Variants in CEP290 observed in about 807,000 individuals in gnomAD.
The protein encoded by CEP290 is centrosomal protein of 290 kDa.
In CEP290, 317 loss-of-function variants were observed where a neutral mutation model predicts 344.9. The ratio of observed to expected loss-of-function variants is 0.92; its 90% CI spans 0.84 to 1.01. CEP290 has a LOEUF of 1.01. Ranked by LOEUF, CEP290 falls within the 50% of genes least tolerant of loss-of-function variation. The pLI, the probability that CEP290 is intolerant of heterozygous loss-of-function variation, is 0.00. For missense variants in CEP290, 2,754 were observed against 2,761.4 expected, an observed-to-expected ratio of 1.00 and a Z score of 0.06; for synonymous variants, 932 against 895.8, an observed-to-expected ratio of 1.04 and a Z score of -0.72.
At chr12:88,061,954 T>G (rs1470444196) in intron 46 of CEP290, among the ~76,000 whole-genome samples, 2 of 152,032 alleles carry the variant, frequency 1.3e-5, no homozygotes, top group African/African-American at 4.8e-5. Context: ...AATTTTCATA[T>G]TTTTAGTAGA....
intron 53 of CEP290, 50 bp from the exon 54 acceptor site, chr12:88,049,464 T>C (rs933614087): frequency 1.0e-6 from 1 of 964,070 alleles, no homozygotes; most frequent in African/African-American, 1.7e-5. Flanking sequence ...TATACATATT[T>C]TACGTTTGAA....
chr12:88,104,150 T>C (rs1350583297), intron 25 of CEP290: 6 of 152,098 alleles, frequency 3.9e-5, no homozygotes, highest in African/African-American at 1.2e-4. Context: ...ATATCACTTA[T>C]ATTTATTAAA....
At chr12:88,087,980 CTA>C in intron 31 of CEP290, 36 bp from the exon 32 acceptor site, 3 of 839,162 alleles carry the variant, frequency 3.6e-6, no homozygotes, top group Non-Finnish European at 4.9e-6. Flanking sequence ...AATATAAATG[CTA>C]TATTAACAAA....
At position 88,141,010 on chromosome 12, in the gene CEP290, A is replaced by C. The variant is rs1200899018; in HGVS notation, c.126T>G (p.Ser42Arg). ...GGTGTATCACATTTTCTTGCTTTTC[A>C]CTTTTTAGCTCATTTACTTCCACCT... ...LSKVEVNELK[S>R]EKQENVIHLF... The change falls in exon 3 of 54, where the codon AGT becomes AGG. Residue 42 changes from serine to arginine, a missense_variant. Ser to Arg is a moderately radical substitution (Grantham distance 110, BLOSUM62 -1). Transcript: ENST00000552810. 1 of 1,588,368 alleles carries C rather than the reference A, an allele frequency of 6.3e-7. No individual in the cohort carries two copies.
chr12:88,059,600 G>C (rs940057429), intron 48 of CEP290, among the ~76,000 whole-genome samples: 1 of 152,090 alleles, frequency 6.6e-6, no homozygotes, highest in Admixed American at 6.5e-5. Context: ...GTAGAGACGG[G>C]GTTTCACCGT....
In CEP290 at chr12:88,129,729, G is replaced by T. The variant is rs1592671313; in HGVS notation, c.817C>A (p.Gln273Lys). Residue 273 changes from glutamine (Q) to lysine (K), a missense_variant, in exon 10 of 54, where the codon CAG becomes AAG. Gln to Lys is a moderately conservative substitution (Grantham distance 53). Transcript: ENST00000552810. ...IVHQTDNVID[Q>K]LKKENDHYQL... ...TAATGATCGTTTTCTTTTTTTAACT[G>T]ATCTATTACATTATCTGTCTGATGC... 1.4e-6 allele frequency: 2 copies of T among 1,460,496 alleles called. No individual in the cohort carries two copies. Among genetic ancestry groups the T allele is most frequent in the Middle Eastern group, 1.8e-4 (1 of 5,688 alleles). 90.5% of individuals were successfully genotyped at this position (1,460,496 alleles called of 1,614,324 possible).
At chr12:88,086,846 G>C (rs2468249) in intron 32 of CEP290, among the ~76,000 whole-genome samples, 3 of 152,138 alleles carry the variant, frequency 2.0e-5, no homozygotes, top group Non-Finnish European at 2.9e-5. Flanking sequence ...CACGGAACTT[G>C]CATTCTGGCG....
chr12:88,060,894 T>G lies in CEP290; in HGVS notation c.6458A>C (p.Lys2153Thr). The G allele has an allele frequency of 6.5e-7, 1 of 1,549,728 alleles. No homozygotes were observed. The highest frequency in any genetic ancestry group is 8.7e-7 in the Non-Finnish European group (1 of 1,147,446). The change falls in exon 47 of 54, where the codon AAA (lysine) becomes ACA (threonine). Residue 2153 changes from lysine (K) to threonine (T), a missense_variant. Transcript: ENST00000552810. ...KVQRENEQLK[K>T]ASGILTSEKM... ...TTCACTAGTCAATATTCCTGATGCT[T>G]TTTTCAACTGTTCATTTTCTCTCTG...
At chr12:88,102,576 G>C (rs2037972617) in intron 26 of CEP290, among the ~76,000 whole-genome samples, 3 of 152,074 alleles carry the variant, frequency 2.0e-5, no homozygotes, top group Admixed American at 6.6e-5. Context: ...TCATGCAAGT[G>C]ACCTAAGGAG....
intron 48 of CEP290, among the ~76,000 whole-genome samples, 198 bp downstream of exon 48, chr12:88,059,700 C>T (rs1361745295): frequency 1.3e-5 from 2 of 152,180 alleles, no homozygotes; most frequent in Non-Finnish European, 2.9e-5. Flanking sequence ...AGCCACCGTG[C>T]CCAGCCTAAA....
At chr12:88,065,757 AT>A (rs1300987421) in intron 44 of CEP290, among the ~76,000 whole-genome samples, 1 of 152,168 alleles carries the variant, frequency 6.6e-6, no homozygotes, top group Admixed American at 6.5e-5. Flanking sequence ...TTTTTAACAC[AT>A]TTCTCACTAA....
chr12:88,088,702 A>AT (rs2036780252), intron 31 of CEP290, among the ~76,000 whole-genome samples: 1 of 152,216 alleles, frequency 6.6e-6, no homozygotes, highest in Non-Finnish European at 1.5e-5. Flanking sequence ...AAGATAATGA[A>AT]TTTAAAATTG....
rs960671788 is a variant in CEP290 at position 88,049,286 on chromosome 12, T to A, written c.7338A>T (p.Lys2446Asn). ...KKNILLEEKV[K>N]KLSEQLGVEL... ...CAACTCCCAATTGTTCTGAAAGTTT[T>A]TTTACCTTCTCTTCTAAGAGAATAT... The change falls in exon 54 of 54, where the codon AAA (lysine) becomes AAT (asparagine). Residue 2446 changes from lysine to asparagine, a missense_variant. Lys to Asn is a moderately conservative substitution (Grantham distance 94, BLOSUM62 0). Transcript: ENST00000552810. 8.7e-6 allele frequency: 14 copies of A among 1,608,048 alleles called. No homozygotes were observed. The highest frequency in any genetic ancestry group is 1.2e-5 in the Non-Finnish European group (14 of 1,176,600).
intron 2 of CEP290, 59 bp from the exon 3 acceptor site, chr12:88,141,092 A>G: frequency 2.2e-6 from 3 of 1,376,786 alleles, no homozygotes; most frequent in Middle Eastern, 1.8e-4. Flanking sequence ...AAATATAAGA[A>G]CACTTCCAGA....
chr12:88,071,833 C>T lies in CEP290; in HGVS notation c.5803G>A (p.Glu1935Lys). The change falls in exon 42 of 54, where the codon GAA (glutamate) becomes AAA (lysine). Residue 1935 changes from glutamate (E) to lysine (K), a missense_variant. Coordinates refer to ENST00000552810, the MANE Select transcript of CEP290 (RefSeq NM_025114.4). Reference sequence around the variant, plus strand: ...AACTGCTTTGTTAAAGTAAAGACTTCCCCCTCTTTCTCTTTTAACTTGTTT... The same window carrying T: ...AACTGCTTTGTTAAAGTAAAGACTTTCCCCTCTTTCTCTTTTAACTTGTTT... ...IRNKLKEKEG[E>K]VFTLTKQLNT... The T allele has an allele frequency of 1.9e-6, 3 of 1,604,330 alleles. No homozygotes were observed. The highest frequency in any genetic ancestry group is 1.7e-6 in the Non-Finnish European group (2 of 1,176,344).
chr12:88,051,994 G>C (rs1592714824), intron 52 of CEP290, among the ~76,000 whole-genome samples: 1 of 152,132 alleles, frequency 6.6e-6, no homozygotes, highest in South Asian at 2.1e-4. Flanking sequence ...CTATTTCCTA[G>C]CTGGCTTAGG....
chr12:88,133,578 T>C (rs2040200719), intron 6 of CEP290, among the ~76,000 whole-genome samples: 2 of 152,200 alleles, frequency 1.3e-5, no homozygotes, highest in African/African-American at 2.4e-5. Flanking sequence ...ATATACCCAG[T>C]AATGGGATTG....
At chr12:88,068,957 TTAAAC>T (rs2035157475) in intron 43 of CEP290, among the ~76,000 whole-genome samples, 1 of 152,092 alleles carries the variant, frequency 6.6e-6, no homozygotes, top group Non-Finnish European at 1.5e-5. Context: ...CATAAGACAG[TTAAAC>T]TAAAATACTT....
chr12:88,068,868 G>T (rs1217311961), intron 43 of CEP290, among the ~76,000 whole-genome samples: 2 of 151,980 alleles, frequency 1.3e-5, no homozygotes, highest in Admixed American at 1.3e-4. Context: ...TCCTTTAAAT[G>T]ATGAGTCAAA....
Sources: allele counts gnomAD v4.1 joint callset (sites outside exome capture counted in the v4.1 genomes callset), GRCh38; gene constraint gnomAD v4.1.1; transcripts MANE v1.5; gene names NCBI Gene and HGNC (gene_info 2026-07-23, HGNC 2026-07-21).